Variants in REC8 observed in about 807,000 individuals in gnomAD.
REC8 encodes the protein meiotic recombination protein REC8 homolog.
In REC8, 42 loss-of-function variants were observed where a neutral mutation model predicts 78.3. That is an observed-to-expected ratio of 0.54 (90% CI 0.42 to 0.69). REC8 has a LOEUF of 0.69. Among genes scored for constraint, REC8 ranks in the 30% least tolerant of loss-of-function variants. The pLI is 0.00. For synonymous variants in REC8, 268 were observed against 274.1 expected (o/e 0.98, Z 0.22); for missense variants, 581 against 715.8 (o/e 0.81, Z 2.15).
intron 15 of REC8, 106 bp downstream of exon 15, chr14:24,179,239 G>A: frequency 2.5e-6 from 3 of 1,221,202 alleles, no homozygotes; most frequent in Non-Finnish European, 3.6e-6. Flanking sequence ...GCGTGTGTGT[G>A]TGACATAAGG....
intron 3 of REC8, 22 bp downstream of exon 3, chr14:24,173,063 G>C: frequency 3.1e-6 from 5 of 1,611,026 alleles, no homozygotes; most frequent in Non-Finnish European, 4.2e-6. Context: ...AACCCTCAAA[G>C]GTGGGGCGGG....
intron 7 of REC8, 41 bp from the exon 8 acceptor site, chr14:24,177,100 T>C (rs1384310068): frequency 6.3e-7 from 1 of 1,591,020 alleles, no homozygotes; most frequent in South Asian, 1.1e-5. Context: ...TTTTCAGAAA[T>C]ATTATTGAAT....
Position 24,178,679 on chromosome 14 carries a change from A to G in REC8, c.1063+7A>G. On this transcript the variant is annotated splice_region_variant and intron_variant, in intron 13 of 18. Transcript: ENST00000611366. ...TTCAGAACCCCAACTCTCTGTAAGA[A>G]TGGTGGGGGTTGGGCACGAAGTATC... The G allele has an allele frequency of 6.2e-7, 1 of 1,614,002 alleles. No homozygotes were observed.
chr14:24,176,036 C>G (rs988763145), intron 6 of REC8, among the ~76,000 whole-genome samples: 1 of 151,172 alleles, frequency 6.6e-6, no homozygotes, highest in Non-Finnish European at 1.5e-5. Flanking sequence ...TCATCAGTAC[C>G]TCACAAGAGT....
Position 24,173,424 on chromosome 14 carries a change from C to T in REC8, c.462+13C>T. 1 of 1,613,536 alleles carries T rather than the reference C, an allele frequency of 6.2e-7. No individual in the cohort carries two copies. The highest frequency in any genetic ancestry group is 8.5e-7 in the Non-Finnish European group (1 of 1,179,624). ...CGATATCCCTCAGGTAGGGCTCATT[C>T]CCCAAGACTCGTGAATTGGCAATGC... On this transcript the variant is annotated intron_variant, in intron 5 of 18. Transcript: ENST00000611366.
chr14:24,180,246 T>C lies in REC8; in HGVS notation c.*151T>C, dbSNP rs2039104011. The C allele has an allele frequency of 6.4e-7, 1 of 1,565,520 alleles. No individual in the cohort carries two copies. Among genetic ancestry groups the C allele is most frequent in the East Asian group, 2.3e-5 (1 of 42,596 alleles). On this transcript the variant is annotated 3_prime_UTR_variant, in exon 19 of 19. Coordinates refer to ENST00000611366, the MANE Select transcript of REC8 (RefSeq NM_001048205.2). Reference sequence around the variant, plus strand: ...TTGTTCAAGCAGAAAACAAGCTGCTTTTATTACAGTATGATGTCATGACTC... The same window carrying C: ...TTGTTCAAGCAGAAAACAAGCTGCTCTTATTACAGTATGATGTCATGACTC...
rs1360524456 is a variant in REC8 at position 24,179,634 on chromosome 14, G to A, written c.1359G>A (p.Leu453=). Residue 453 remains leucine, a synonymous_variant, in exon 17 of 19, where the codon TTG becomes TTA. Coordinates refer to ENST00000611366, the MANE Select transcript of REC8 (RefSeq NM_001048205.2). The part of the protein sequence containing the change: ...PEVEAPEAPA[L]PVVPELPEVP... ...TGGAGGCGCCAGAAGCTCCTGCATTGCCCGTGGTGCCTGAACTCCCTGAGG... is the reference window on the plus strand; with the variant it reads ...TGGAGGCGCCAGAAGCTCCTGCATTACCCGTGGTGCCTGAACTCCCTGAGG... 7 of 1,614,100 alleles carry A rather than the reference G, an allele frequency of 4.3e-6. No homozygotes were observed. The highest frequency in any genetic ancestry group is 5.9e-6 in the Non-Finnish European group (7 of 1,180,054).
intron 11 of REC8, 81 bp downstream of exon 11, chr14:24,177,839 C>A (rs1233791832): frequency 6.7e-7 from 1 of 1,492,754 alleles, no homozygotes; most frequent in African/African-American, 1.4e-5. Context: ...CCCAGGGCCA[C>A]TGCTAGCTTA....
rs755144001 is a variant in REC8, at chr14:24,173,330, G to C, written c.381G>C (p.Glu127Asp). The change falls in exon 5 of 19, where the codon GAG (glutamate) becomes GAC (aspartate). Residue 127 changes from glutamate to aspartate, a missense_variant. By Grantham distance (45) the Glu-to-Asp change is conservative (BLOSUM62 2). Coordinates refer to ENST00000611366, the MANE Select transcript of REC8 (RefSeq NM_001048205.2). Reference protein sequence around the residue: ...LLLPNHLAMMETLEDAPDPFF... With the variant: ...LLLPNHLAMMDTLEDAPDPFF... ...TTCCTAACCACCTGGCCATGATGGAGACCCTAGAAGATGCTCCAGATCCCT... is the reference window on the plus strand; with the variant it reads ...TTCCTAACCACCTGGCCATGATGGACACCCTAGAAGATGCTCCAGATCCCT... 1 of 1,614,174 alleles carries C rather than the reference G, an allele frequency of 6.2e-7. No individual in the cohort carries two copies. Among genetic ancestry groups the C allele is most frequent in the East Asian group, 2.2e-5 (1 of 44,892 alleles).
At position 24,180,106 on chromosome 14, in the gene REC8, C is replaced by T; in HGVS notation, c.*11C>T. ...CCCAGATTCCACTGAGGTTAGAGTC[C>T]ATTTACAAAGCTGCCAGGAAACCGG... On this transcript the variant is annotated 3_prime_UTR_variant, in exon 19 of 19. Coordinates refer to ENST00000611366, the MANE Select transcript of REC8 (RefSeq NM_001048205.2). 6.2e-7 allele frequency: 1 copy of T among 1,614,148 alleles called. No individual in the cohort carries two copies. The highest frequency in any genetic ancestry group is 1.1e-5 in the South Asian group (1 of 91,082).
At chr14:24,173,451 G>GA in intron 5 of REC8, 40 bp downstream of exon 5, 1 of 1,610,724 alleles carries the variant, frequency 6.2e-7, no homozygotes. Flanking sequence ...TGGCAATGCA[G>GA]AAGGGGAGTG....
At position 24,176,903 on chromosome 14, in the gene REC8, T is replaced by C. The variant is rs747051147; in HGVS notation, c.624+2T>C. The C allele has an allele frequency of 3.1e-6, 5 of 1,611,824 alleles. No individual in the cohort carries two copies. Among genetic ancestry groups the C allele is most frequent in the Admixed American group, 3.3e-5 (2 of 59,942 alleles). The stretch of plus-strand genomic sequence containing the variant: ...CCCATACGGATGCTGGAGATTGAGG[T>C]GAGTTCCCCTGCACACAGGGCCTGA... On this transcript the variant is annotated splice_donor_variant, in intron 7 of 18. Transcript: ENST00000611366. LOFTEE classifies it high-confidence loss of function.
At chr14:24,175,720 G>A in intron 6 of REC8, 96 bp downstream of exon 6, 1 of 895,662 alleles carries the variant, frequency 1.1e-6, no homozygotes, top group South Asian at 1.5e-5. Context: ...GGCCTTGTGA[G>A]GGGCGCTTTT....
intron 6 of REC8, 116 bp downstream of exon 6, chr14:24,175,740 C>A (rs1169351032): frequency 7.8e-6 from 5 of 642,642 alleles, no homozygotes; most frequent in African/African-American, 5.9e-5. Context: ...TTTTTTTTTT[C>A]GAGGCAGAGT....
chr14:24,179,912 T>C lies in REC8; in HGVS notation c.1558+6T>C, dbSNP rs1204928274. ...GGTCTTCTACCTGCTCCTGGGTGAG[T>C]GTATGCATGTGTGTGTGTGTATGTG... is the stretch of plus-strand genomic sequence containing the variant. On this transcript the variant is annotated splice_donor_region_variant and intron_variant, in intron 18 of 18. Coordinates refer to ENST00000611366, the MANE Select transcript of REC8 (RefSeq NM_001048205.2). 6.2e-7 allele frequency: 1 copy of C among 1,613,562 alleles called. No homozygotes were observed. The highest frequency in any genetic ancestry group is 8.5e-7 in the Non-Finnish European group (1 of 1,179,900).
At chr14:24,177,072 TCCTGGATCCACTTG>T (rs1013901524) in intron 7 of REC8, 55 bp from the exon 8 acceptor site, 9 of 1,486,554 alleles carry the variant, frequency 6.1e-6, no homozygotes, top group East Asian at 2.3e-5. Context: ...GGATCCACTC[TCCTGGATCCACTTG>T]CCTTTTTCAG....
chr14:24,178,775 AGCTG>A lies in REC8; in HGVS notation c.1070_1073del (p.Trp357TyrfsTer60). 6.2e-7 allele frequency: 1 copy of A among 1,607,918 alleles called. No individual in the cohort carries two copies. Among genetic ancestry groups the A allele is most frequent in the South Asian group, 1.1e-5 (1 of 90,782 alleles). On this transcript the variant is annotated splice_acceptor_variant and coding_sequence_variant, in exon 14 of 19. Coordinates refer to ENST00000611366, the MANE Select transcript of REC8 (RefSeq NM_001048205.2). LOFTEE classifies it high-confidence loss of function. ...CCGTGCCTACTACCCTCTTGTCCAC[AGCTG>A]GCTGGCTACCCCCTGAACTACTGGG...
chr14:24,177,289 TG>T, intron 8 of REC8, 63 bp from the exon 9 acceptor site: 1 of 1,613,614 alleles, frequency 6.2e-7, no homozygotes, highest in Non-Finnish European at 8.5e-7. Context: ...GTGGGCATTC[TG>T]GGACTGGGCA....
In REC8 at chr14:24,173,128, G is replaced by A. The variant is rs1317849480; in HGVS notation, c.271G>A (p.Asp91Asn). The stretch of plus-strand genomic sequence containing the variant: ...TACCTCGTCCTCCCTGCCCACAGAG[G>A]ACATCCAGCACATCTTGGAGCGCCT... ...YSQQCQYLVEDIQHILERLHR... is the reference protein window; with the variant it reads ...YSQQCQYLVENIQHILERLHR... The change falls in exon 4 of 19, where the codon GAC becomes AAC. Residue 91 changes from aspartate to asparagine, a missense_variant and splice_region_variant. Transcript: ENST00000611366. The A allele has an allele frequency of 6.2e-7, 1 of 1,613,928 alleles. No individual in the cohort carries two copies. The highest frequency in any genetic ancestry group is 8.5e-7 in the Non-Finnish European group (1 of 1,180,046).
Sources: gnomAD v4.1 joint callset for allele counts (sites outside exome capture counted in the v4.1 genomes callset) on GRCh38, gnomAD v4.1.1 for gene constraint, MANE v1.5 for transcripts, NCBI Gene and HGNC (gene_info 2026-07-23, HGNC 2026-07-21) for gene names.